Variants in TTC19 observed in about 807,000 individuals in gnomAD.
The protein encoded by TTC19 is tetratricopeptide repeat domain 19.
In TTC19, 38 loss-of-function variants were observed where a neutral mutation model predicts 49.5. The observed-to-expected ratio is 0.77, with a 90% confidence interval of 0.59 to 1.01. The LOEUF is 1.01. Among genes scored for constraint, TTC19 ranks in the 50% least tolerant of loss-of-function variants. The probability of loss-of-function intolerance (pLI) is 0.00; values close to 1 mark genes in which losing one functional copy is unlikely to be tolerated. For missense variants in TTC19, 475 were observed against 477.7 expected (o/e 0.99, Z 0.05); for synonymous variants, 204 against 185.2 (o/e 1.10, Z -0.83).
intron 7 of TTC19, among the ~76,000 whole-genome samples, chr17:16,019,400 T>C (rs961797606): frequency 6.6e-6 from 1 of 152,240 alleles, no homozygotes; most frequent in East Asian, 1.9e-4. Context: ...GGTATCATAC[T>C]GTACAATTGG....
intron 7 of TTC19, among the ~76,000 whole-genome samples, chr17:16,022,785 C>T (rs1437326577): frequency 6.6e-6 from 1 of 152,080 alleles, no homozygotes; most frequent in Non-Finnish European, 1.5e-5. Flanking sequence ...GTAAAAAATT[C>T]TATAGTGAAT....
intron 9 of TTC19, 120 bp from the exon 10 acceptor site, chr17:16,027,253 GC>G: frequency 8.6e-7 from 1 of 1,167,480 alleles, no homozygotes; most frequent in East Asian, 2.5e-5. Flanking sequence ...GGCAGCACCA[GC>G]TTGTCGCTTC....
At chr17:16,026,763 G>T (rs1244678528) in intron 9 of TTC19, 61 bp downstream of exon 9, 1 of 1,578,462 alleles carries the variant, frequency 6.3e-7, no homozygotes, top group Non-Finnish European at 8.7e-7. Context: ...TGGATTGATA[G>T]ATTTGTGAAG....
chr17:16,023,957 C>G (rs776423472), intron 7 of TTC19: 2 of 152,198 alleles, frequency 1.3e-5, no homozygotes, highest in Non-Finnish European at 2.9e-5. Context: ...CCCAACTGAA[C>G]CTAAGATTAT....
At chr17:16,029,834 C>T (rs904375136), downstream of TTC19, 18 of 152,600 alleles carry the variant, frequency 1.2e-4, no homozygotes, top group African/African-American at 3.9e-4. Context: ...TAAAGTAATA[C>T]GCACATGCAT....
At chr17:16,027,326 A>T in intron 9 of TTC19, 48 bp from the exon 10 acceptor site, 1 of 1,609,302 alleles carries the variant, frequency 6.2e-7, no homozygotes, top group Admixed American at 1.7e-5. Flanking sequence ...AATCACCTTG[A>T]AAACATACAC....
chr17:16,020,445 G>A (rs1971342484), intron 7 of TTC19, among the ~76,000 whole-genome samples: 1 of 151,990 alleles, frequency 6.6e-6, no homozygotes. Flanking sequence ...TTTGTAGCTT[G>A]TCTTTTCACA....
At position 16,003,114 on chromosome 17, in the gene TTC19, G is replaced by A. The variant is rs2302416; in HGVS notation, c.462+283G>A. Among the ~76,000 whole-genome samples, 13,339 of 152,190 alleles carry A rather than the reference G, an allele frequency of 0.088. 1,581 individuals are homozygous for A. Among genetic ancestry groups the A allele is most frequent in the African/African-American group, 0.27 (11,303 of 41,452 alleles). The stretch of plus-strand genomic sequence containing the variant: ...GAGCTGACTCACCTCCAGTCTGCAG[G>A]AAGGGGGAGAAGATGGACTGTGAGC... On this transcript the variant is annotated intron_variant, in intron 4 of 9. Transcript: ENST00000261647.
intron 7 of TTC19, among the ~76,000 whole-genome samples, chr17:16,008,101 T>C (rs942404301): frequency 2.6e-5 from 4 of 152,232 alleles, no homozygotes; most frequent in African/African-American, 9.7e-5. Context: ...TGGCACGCCT[T>C]AGGGCTGTTT....
chr17:16,000,097 C>T (rs1365931299), intron 1 of TTC19, 21 bp from the exon 2 acceptor site: 6 of 1,515,268 alleles, frequency 4.0e-6, no homozygotes, highest in Non-Finnish European at 5.3e-6. Flanking sequence ...GGCCCGATGA[C>T]CTCAGAGCCC....
intron 7 of TTC19, among the ~76,000 whole-genome samples, chr17:16,012,766 G>A (rs559255870): frequency 2.6e-5 from 4 of 152,094 alleles, no homozygotes; most frequent in East Asian, 2.0e-4. Context: ...TCGAACTGCC[G>A]ACCTCAGGTG....
At chr17:16,014,184 T>G (rs895777770) in intron 7 of TTC19, among the ~76,000 whole-genome samples, 7 of 152,248 alleles carry the variant, frequency 4.6e-5, no homozygotes, top group African/African-American at 1.7e-4. Context: ...CAAGGTAATC[T>G]TTCCTAGAAG....
At chr17:16,041,816 A>C (rs772639976) in intron 2 of TTC19, among the ~76,000 whole-genome samples, 4 of 151,910 alleles carry the variant, frequency 2.6e-5, no homozygotes, top group African/African-American at 2.4e-5. Context: ...GGCTCACTGC[A>C]AGCTCTGCCT....
chr17:16,005,844 T>G (rs1597452565), intron 6 of TTC19, among the ~76,000 whole-genome samples: 2 of 152,178 alleles, frequency 1.3e-5, no homozygotes. Context: ...GGGGTAAGGC[T>G]TTCACACATG....
At chr17:16,003,989 A>C (rs1970820274) in intron 5 of TTC19, 102 bp downstream of exon 5, 1 of 1,328,046 alleles carries the variant, frequency 7.5e-7, no homozygotes, top group African/African-American at 1.5e-5. Flanking sequence ...TTGGTCAGGA[A>C]AGGTGGAGTT....
At chr17:16,004,166 T>C in intron 5 of TTC19, 35 bp from the exon 6 acceptor site, 1 of 1,601,158 alleles carries the variant, frequency 6.2e-7, no homozygotes, top group South Asian at 1.1e-5. Context: ...AAAATTTACT[T>C]GTTATGAGTT....
At position 16,027,377 on chromosome 17, in the gene TTC19, G is replaced by A. The variant is rs1483019285; in HGVS notation, c.998G>A (p.Arg333Gln). Reference protein sequence around the residue: ...NLAAVLMHRERYTQAKEIYQE... With the variant: ...NLAAVLMHREQYTQAKEIYQE... ...CCTTCTCTCTGGGTTATTTTAGAAC[G>A]ATATACACAAGCAAAAGAGATCTAC... Residue 333 changes from arginine (R) to glutamine (Q), a missense_variant, in exon 10 of 10, where the codon CGA (arginine) becomes CAA (glutamine). By Grantham distance (43) the Arg-to-Gln change is conservative. Transcript: ENST00000261647. 3.8e-5 allele frequency: 62 copies of A among 1,613,574 alleles called. No individual in the cohort carries two copies. Among genetic ancestry groups the A allele is most frequent in the Middle Eastern group, 1.6e-4 (1 of 6,080 alleles).
At chr17:16,022,396 C>T (rs560261931) in intron 7 of TTC19, among the ~76,000 whole-genome samples, 1 of 152,196 alleles carries the variant, frequency 6.6e-6, no homozygotes, top group Non-Finnish European at 1.5e-5. Flanking sequence ...ATTCCCTCCA[C>T]TAAAACCATT....
rs1436896798 is a variant in TTC19 at position 16,002,036 on chromosome 17, T to C, written c.423+11T>C. 1.0e-5 allele frequency: 16 copies of C among 1,585,376 alleles called. No homozygotes were observed. Among genetic ancestry groups the C allele is most frequent in the Non-Finnish European group, 1.1e-5 (13 of 1,157,172 alleles). The stretch of plus-strand genomic sequence containing the variant: ...TACACTTATGATTTGGTAACTCTTA[T>C]AACCAGTCTGAACCACTGATGAGGA... On this transcript the variant is annotated intron_variant, in intron 3 of 9. Coordinates refer to ENST00000261647, the MANE Select transcript of TTC19 (RefSeq NM_017775.4).
Sources: allele counts gnomAD v4.1 joint callset (sites outside exome capture counted in the v4.1 genomes callset), GRCh38; gene constraint gnomAD v4.1.1; transcripts MANE v1.5; gene names NCBI Gene and HGNC (gene_info 2026-07-23, HGNC 2026-07-21).